The following NRG4 variants were observed in gnomAD, a reference collection of about 807,000 sequenced individuals.
The protein encoded by NRG4 is neuregulin 4, also known as pro-neuregulin-4, membrane-bound isoform.
In NRG4, 10 loss-of-function variants were observed where a neutral mutation model predicts 15.0. The observed-to-expected ratio is 0.67, with a 90% confidence interval of 0.41 to 1.13. NRG4 has a LOEUF of 1.13. Among genes scored for constraint, NRG4 ranks in the 50% most tolerant of loss-of-function variants. The pLI, the probability that NRG4 is intolerant of heterozygous loss-of-function variation, is 0.00. For missense variants in NRG4, 139 were observed against 140.2 expected (o/e 0.99, Z 0.04); for synonymous variants, 41 against 50.1 (o/e 0.82, Z 0.77).
In NRG4 at chr15:75,942,708, TGTTAGGTTTG is replaced by T. The variant is rs1396333467; in HGVS notation, c.*920_*929del. 2 of 152,248 alleles carry T rather than the reference TGTTAGGTTTG, an allele frequency of 1.3e-5. No homozygotes were observed. The highest frequency in any genetic ancestry group is 2.9e-5 in the Non-Finnish European group (2 of 68,076). 9.4% of individuals were successfully genotyped at this position (152,248 alleles called of 1,614,324 possible). A position where few individuals can be genotyped will look rare whatever the true frequency, so the allele number is the denominator to read the frequency against. On this transcript the variant is annotated 3_prime_UTR_variant, in exon 6 of 6. Coordinates refer to ENST00000394907, the MANE Select transcript of NRG4 (RefSeq NM_138573.4). ...ACGAGGACATAGTTCAGAGACAGGC[TGTTAGGTTTG>T]GCCGGTGCATGCCCTTCTGCCTAAG...
chr15:75,980,881 G>C (rs1394261788), intron 3 of NRG4, among the ~76,000 whole-genome samples: 1 of 151,982 alleles, frequency 6.6e-6, no homozygotes, highest in Non-Finnish European at 1.5e-5. Context: ...ATTTTTTAGA[G>C]TGATAAAATA....
intron 3 of NRG4, among the ~76,000 whole-genome samples, chr15:75,963,777 CAA>C (rs71140188): frequency 0.075 from 7,735 of 102,876 alleles, 437 homozygotes; most frequent in African/African-American, 0.2. Context: ...GACTCCATCT[CAA>C]AAAAAAAAAA....
At chr15:75,996,931 G>C (rs72734574) in intron 3 of NRG4, among the ~76,000 whole-genome samples, 34,796 of 151,786 alleles carry the variant, frequency 0.23, 4,775 homozygotes, top group Non-Finnish European at 0.31. Flanking sequence ...ACACATATTG[G>C]TTGAGAAACT....
At chr15:75,966,953 G>A (rs2469038) in intron 3 of NRG4, among the ~76,000 whole-genome samples, 10,605 of 151,444 alleles carry the variant, frequency 0.07, 824 homozygotes, top group African/African-American at 0.2. Context: ...CATCTCTACT[G>A]AAAATACAAA....
intron 4 of NRG4, among the ~76,000 whole-genome samples, chr15:76,047,967 G>A (rs2035912402): frequency 1.3e-5 from 2 of 150,132 alleles, no homozygotes; most frequent in African/African-American, 2.5e-5. Flanking sequence ...ACCAGCCTGG[G>A]CAACATAGTG....
chr15:76,005,383 T>TAAA (rs71140191), intron 3 of NRG4, among the ~76,000 whole-genome samples: 1 of 120,984 alleles, frequency 8.3e-6, no homozygotes, highest in Non-Finnish European at 1.7e-5. Flanking sequence ...CTCCGTCTCT[T>TAAA]AAAAAAAAAA....
chr15:76,015,791 G>A (rs334945), upstream of NRG4, among the ~76,000 whole-genome samples: 122,210 of 152,136 alleles, frequency 0.8, 49,443 homozygotes, highest in South Asian at 0.9. Flanking sequence ...CATCAGGGAT[G>A]TTGGCCTGAA....
At chr15:76,051,059 G>A (rs2035998104) in intron 4 of NRG4, among the ~76,000 whole-genome samples, 1 of 148,494 alleles carries the variant, frequency 6.7e-6, no homozygotes, top group South Asian at 2.1e-4. Flanking sequence ...AGGCTGGAGT[G>A]CAGTGGCGGG....
chr15:76,050,810 T>A, intron 4 of NRG4, among the ~76,000 whole-genome samples: 1 of 142,502 alleles, frequency 7.0e-6, no homozygotes, highest in Middle Eastern at 3.4e-3. Context: ...CAAAACTAAT[T>A]TTTTTTTTTT....
chr15:75,968,141 T>A (rs1304108834), intron 3 of NRG4, among the ~76,000 whole-genome samples: 2 of 152,182 alleles, frequency 1.3e-5, no homozygotes, highest in Admixed American at 6.5e-5. Context: ...AGAATGCTGG[T>A]TGGGTCATGA....
chr15:75,953,715 T>C (rs1326249072), intron 5 of NRG4, among the ~76,000 whole-genome samples: 1 of 152,216 alleles, frequency 6.6e-6, no homozygotes, highest in Non-Finnish European at 1.5e-5. Context: ...TGTGTCTTGG[T>C]GTATTACTAC....
chr15:76,057,812 T>C (rs2036189272), intron 1 of NRG4, among the ~76,000 whole-genome samples: 5 of 150,574 alleles, frequency 3.3e-5, no homozygotes, highest in Admixed American at 3.3e-4. Flanking sequence ...TATTATATTA[T>C]AAATACATAA....
At chr15:75,940,391 AAT>A (rs1312828689), downstream of NRG4, 24 of 152,216 alleles carry the variant, frequency 1.6e-4, 2 homozygotes, top group South Asian at 3.9e-3. Flanking sequence ...ATCTAATGTT[AAT>A]ATGTCAGTAC....
At chr15:75,972,998 C>G (rs932996894) in intron 3 of NRG4, among the ~76,000 whole-genome samples, 32 of 152,176 alleles carry the variant, frequency 2.1e-4, no homozygotes, top group African/African-American at 7.7e-4. Flanking sequence ...TCTTCCTATC[C>G]ATGAGCATGG....
intron 3 of NRG4, 30 bp from the exon 4 acceptor site, chr15:75,962,004 G>A: frequency 6.5e-7 from 1 of 1,541,844 alleles, no homozygotes; most frequent in Non-Finnish European, 8.8e-7. Context: ...ATAAAGAATT[G>A]CATTCTGTGT....
Position 75,977,628 on chromosome 15 carries a change from C to T in NRG4, c.105-15654G>A, listed in dbSNP as rs2033426424. On this transcript the variant is annotated intron_variant, in intron 3 of 5. Coordinates refer to ENST00000394907, the MANE Select transcript of NRG4 (RefSeq NM_138573.4). The surrounding 1 kb of genome is among the most constrained non-coding windows in gnomAD (Gnocchi z 4.9). Reference sequence around the variant, plus strand: ...GACACCCCACCCTGCTTCGGCTCACCCTCTGTGGGCTGCATCGACTGTCTA... The same window carrying T: ...GACACCCCACCCTGCTTCGGCTCACTCTCTGTGGGCTGCATCGACTGTCTA... 6.6e-6 allele frequency among the ~76,000 whole-genome samples: 1 copy of T among 152,118 alleles called. No homozygotes were observed. Among genetic ancestry groups the T allele is most frequent in the East Asian group, 1.9e-4 (1 of 5,158 alleles).
intron 5 of NRG4, among the ~76,000 whole-genome samples, chr15:75,952,924 C>T (rs2031996953): frequency 6.6e-6 from 1 of 152,096 alleles, no homozygotes; most frequent in African/African-American, 2.4e-5. Context: ...GTATAAGTCT[C>T]ATATGTATGA....
At chr15:75,956,068 A>G (rs1374558907) in intron 4 of NRG4, 57 bp from the exon 5 acceptor site, 3 of 966,862 alleles carry the variant, frequency 3.1e-6, no homozygotes, top group Non-Finnish European at 4.8e-6. Flanking sequence ...AAAGCATGTC[A>G]GAAGACCTAG....
rs1192672289 is a variant in NRG4 at position 76,038,567 on chromosome 15, GT to G, written c.-104-2577del. Among the ~76,000 whole-genome samples the G allele has an allele frequency of 2.6e-5, 4 of 152,186 alleles. No homozygotes were observed. The East Asian group carries it at 7.7e-4, about 29-fold the overall frequency. On this transcript the variant is annotated intron_variant, in intron 4 of 8. Transcript: ENST00000563910. ...GGAAAAGTGAGAACTGTTTTTCATG[GT>G]TTGAAAGCCCACTCAGCCACAGTGG...
Sources: allele counts gnomAD v4.1 joint callset (sites outside exome capture counted in the v4.1 genomes callset), GRCh38; gene constraint gnomAD v4.1.1; non-coding constraint Gnocchi (gnomAD v3.1); transcripts MANE v1.5; gene names NCBI Gene and HGNC (gene_info 2026-07-23, HGNC 2026-07-21).